PCDH15: variants seen among roughly 807,000 people sequenced by gnomAD.
PCDH15 encodes the protein protocadherin related 15.
PCDH15 carries 129 observed loss-of-function variants against 178.5 expected under a neutral mutation model. That is an observed-to-expected ratio of 0.72 (90% confidence interval 0.63 to 0.84). The LOEUF (loss-of-function observed/expected upper bound fraction) is 0.84. Among genes scored for constraint, PCDH15 ranks in the 40% least tolerant of loss-of-function variants. The pLI, the probability that PCDH15 is intolerant of heterozygous loss-of-function variation, is 0.00. For synonymous variants in PCDH15, 800 were observed against 732.0 expected (o/e 1.09, Z -1.50); for missense variants, 2,230 against 2,099.9 (o/e 1.06, Z -1.21).
At chr10:55,531,890 C>T (rs1393492293) in intron 2 of PCDH15, among the ~76,000 whole-genome samples, 1 of 151,926 alleles carries the variant, frequency 6.6e-6, no homozygotes, top group Non-Finnish European at 1.5e-5. Context: ...TCCCTTAAAA[C>T]AATTAACATA....
chr10:55,051,249 T>C (rs1252574328), intron 2 of PCDH15, among the ~76,000 whole-genome samples: 2 of 152,086 alleles, frequency 1.3e-5, no homozygotes, highest in Non-Finnish European at 2.9e-5. Context: ...CTCAACTGCA[T>C]TATGAGGCAA....
At chr10:55,442,470 T>TATATTATATATATATAA (rs5785132) in intron 2 of PCDH15, among the ~76,000 whole-genome samples, 1 of 124,698 alleles carries the variant, frequency 8.0e-6, no homozygotes, top group African/African-American at 3.2e-5. Context: ...TATATATATA[T>TATATTATATATATATAA]TATATATATA....
At chr10:55,253,666 C>G (rs1352343823) in intron 1 of PCDH15, among the ~76,000 whole-genome samples, 1 of 151,844 alleles carries the variant, frequency 6.6e-6, no homozygotes, top group Non-Finnish European at 1.5e-5. Context: ...ACATATAAAC[C>G]TATTCTTGTA....
At chr10:55,333,939 C>A (rs1003970973) in intron 2 of PCDH15, among the ~76,000 whole-genome samples, 1 of 151,760 alleles carries the variant, frequency 6.6e-6, no homozygotes, top group African/African-American at 2.4e-5. Flanking sequence ...AGCATCCATG[C>A]AAACTGGAAA....
chr10:54,532,557 C>A (rs1000196179), intron 2 of PCDH15, among the ~76,000 whole-genome samples: 1 of 152,110 alleles, frequency 6.6e-6, no homozygotes, highest in Admixed American at 6.5e-5. Flanking sequence ...GGCAGATTTT[C>A]CTGGCACATT....
intron 1 of PCDH15, among the ~76,000 whole-genome samples, chr10:54,679,164 T>A (rs945222879): frequency 2.4e-5 from 3 of 123,256 alleles, no homozygotes; most frequent in African/African-American, 3.2e-5. Flanking sequence ...CACTCCAACC[T>A]GGGAGACACA....
intron 3 of PCDH15, among the ~76,000 whole-genome samples, chr10:54,843,724 G>T (rs1219372121): frequency 6.6e-6 from 1 of 151,976 alleles, no homozygotes; most frequent in Non-Finnish European, 1.5e-5. Context: ...AAAAGAGTTT[G>T]CTTCAATAAA....
chr10:53,860,695 C>T (rs2079047228), intron 27 of PCDH15, among the ~76,000 whole-genome samples: 1 of 139,904 alleles, frequency 7.1e-6, no homozygotes, highest in African/African-American at 2.7e-5. Flanking sequence ...CACGCCACTG[C>T]ACTCCAGTCT....
intron 1 of PCDH15, among the ~76,000 whole-genome samples, chr10:54,795,885 A>T (rs1331388281): frequency 6.6e-6 from 1 of 151,934 alleles, no homozygotes; most frequent in Admixed American, 6.6e-5. Context: ...AAGGATGATG[A>T]TGATGATAAG....
At chr10:55,018,416 T>G (rs1448041277) in intron 2 of PCDH15, among the ~76,000 whole-genome samples, 2 of 152,154 alleles carry the variant, frequency 1.3e-5, no homozygotes, top group Non-Finnish European at 1.5e-5. Flanking sequence ...TTTTAATACC[T>G]AATACAATGA....
Position 54,079,433 on chromosome 10 carries a change from A to AAAAC in PCDH15, c.1998-13_1998-10dup, listed in dbSNP as rs763135922. On this transcript the variant is annotated splice_polypyrimidine_tract_variant and intron_variant, in intron 16 of 37. Coordinates refer to ENST00000644397, the MANE Select transcript of PCDH15 (RefSeq NM_001384140.1). ...AGGTTAGAATCCCCGTGCTAGTGAC[A>AAAAC]AAACAAACAAACAAATAAGACAAAA... 6.2e-7 allele frequency: 1 copy of AAAAC among 1,608,126 alleles called. No homozygotes were observed. Among genetic ancestry groups the AAAAC allele is most frequent in the Non-Finnish European group, 8.5e-7 (1 of 1,174,516 alleles).
At position 54,821,945 on chromosome 10, in the gene PCDH15, T is replaced by C. The variant is rs140519721; in HGVS notation, c.-29+75505A>G. ...CTTTGCTACAGTCCCTCCCAGGGGTTTAGAAGGGCACAGGAGATCAGGGGC... is the reference window on the plus strand; with the variant it reads ...CTTTGCTACAGTCCCTCCCAGGGGTCTAGAAGGGCACAGGAGATCAGGGGC... On this transcript the variant is annotated intron_variant, in intron 3 of 5. Coordinates refer to the PCDH15 transcript ENST00000458638. Among the ~76,000 whole-genome samples, 419 of 152,240 alleles carry C rather than the reference T, an allele frequency of 2.8e-3. 2 individuals are homozygous for C. The highest frequency in any genetic ancestry group is 9.6e-3 in the African/African-American group (399 of 41,570).
intron 2 of PCDH15, among the ~76,000 whole-genome samples, chr10:55,523,879 T>G (rs568453838): frequency 2.6e-5 from 4 of 151,610 alleles, no homozygotes; most frequent in Non-Finnish European, 5.9e-5. Flanking sequence ...TGTCATCTCC[T>G]GTTATAAACA....
At chr10:55,030,442 G>A (rs964224613) in intron 2 of PCDH15, among the ~76,000 whole-genome samples, 1 of 152,150 alleles carries the variant, frequency 6.6e-6, no homozygotes, top group Non-Finnish European at 1.5e-5. Flanking sequence ...AAAATGAGCT[G>A]CAAAAGATTC....
chr10:55,135,475 T>G (rs1386614889), intron 2 of PCDH15, among the ~76,000 whole-genome samples: 4 of 152,030 alleles, frequency 2.6e-5, no homozygotes, highest in African/African-American at 9.7e-5. Flanking sequence ...CTAGTTTCCT[T>G]TCTCTGCTGT....
At chr10:54,025,790 C>T (rs1034215037) in intron 18 of PCDH15, among the ~76,000 whole-genome samples, 15 of 152,140 alleles carry the variant, frequency 9.9e-5, no homozygotes, top group Admixed American at 3.3e-4. Context: ...AGCCACTGCG[C>T]CTGGCCATTT....
At chr10:54,096,399 T>C (rs535548437) in intron 15 of PCDH15, among the ~76,000 whole-genome samples, 2 of 152,248 alleles carry the variant, frequency 1.3e-5, no homozygotes, top group South Asian at 4.1e-4. Context: ...CTCTTCATTG[T>C]TAAAGTCATA....
chr10:53,859,674 A>G (rs953071248), intron 27 of PCDH15, among the ~76,000 whole-genome samples: 1 of 152,136 alleles, frequency 6.6e-6, no homozygotes, highest in African/African-American at 2.4e-5. Flanking sequence ...TAAAATTAAA[A>G]AAAAAAATGT....
chr10:54,538,648 C>T lies in PCDH15; in HGVS notation c.92-10771G>A, dbSNP rs116671043. Among the ~76,000 whole-genome samples, 1,446 of 152,210 alleles carry T rather than the reference C, an allele frequency of 9.5e-3. 19 individuals carry two copies. Among genetic ancestry groups the T allele is most frequent in the African/African-American group, 0.033 (1,366 of 41,516 alleles). ...TGGAGGAGGGGCTGGTGGGATAAAA[C>T]TGGATCATGGGTGTAGGATTTGCCC... On this transcript the variant is annotated intron_variant, in intron 2 of 37. Coordinates refer to ENST00000644397, the MANE Select transcript of PCDH15 (RefSeq NM_001384140.1).
Sources: allele counts gnomAD v4.1 joint callset (sites outside exome capture counted in the v4.1 genomes callset), GRCh38; gene constraint gnomAD v4.1.1; transcripts MANE v1.5; gene names NCBI Gene and HGNC (gene_info 2026-07-23, HGNC 2026-07-21).